Variants in WHRN observed in about 807,000 individuals in gnomAD.
The protein encoded by WHRN is CASK-interacting protein CIP98.
Under a neutral mutation model 68.3 loss-of-function variants are expected in WHRN, and 41 were observed. The ratio of observed to expected loss-of-function variants is 0.60; its 90% confidence interval spans 0.47 to 0.78. WHRN has a LOEUF of 0.78. Ranked by LOEUF, WHRN falls within the 30% of genes least tolerant of loss-of-function variation. The pLI is 0.00. For synonymous variants in WHRN, 560 were observed against 561.3 expected (o/e 1.00, Z 0.03); for missense variants, 1,243 against 1,244.7 (o/e 1.00, Z 0.02).
intron 1 of WHRN, among the ~76,000 whole-genome samples, chr9:114,503,852 G>A (rs895882093): frequency 5.9e-5 from 9 of 152,192 alleles, no homozygotes; most frequent in Non-Finnish European, 1.2e-4. Context: ...ATTATGCCAA[G>A]CAGAGATTTT....
chr9:114,403,191 G>A, intron 11 of WHRN, 26 bp downstream of exon 11: 3 of 1,613,838 alleles, frequency 1.9e-6, no homozygotes, highest in East Asian at 2.2e-5. Context: ...AGGGAGAGAT[G>A]GCAAGTGGGG....
intron 2 of WHRN, among the ~76,000 whole-genome samples, chr9:114,470,197 C>G (rs1589213235): frequency 1.3e-5 from 2 of 152,228 alleles, no homozygotes; most frequent in Non-Finnish European, 2.9e-5. Context: ...ATCTTTGTCT[C>G]AGAGTCTATT....
chr9:114,430,014 T>G (rs1474903294), intron 3 of WHRN, among the ~76,000 whole-genome samples: 1 of 152,358 alleles, frequency 6.6e-6, no homozygotes, highest in East Asian at 1.9e-4. Context: ...CTTTGTTTCC[T>G]TAAGTATGCC....
At chr9:114,479,036 C>T (rs1432900135) in intron 1 of WHRN, among the ~76,000 whole-genome samples, 5 of 152,194 alleles carry the variant, frequency 3.3e-5, no homozygotes, top group African/African-American at 4.8e-5. Context: ...GCAGGCCTGA[C>T]ACTGTTATCC....
intron 1 of WHRN, among the ~76,000 whole-genome samples, chr9:114,486,995 AT>A (rs1564218178): frequency 5.0e-5 from 2 of 40,196 alleles, no homozygotes; most frequent in African/African-American, 1.9e-4. Context: ...ATATATATAT[AT>A]ATATATATAT....
At position 114,423,514 on chromosome 9, in the gene WHRN, GGAGT is replaced by G; in HGVS notation, c.1422_1425del (p.Leu475SerfsTer4). On this transcript the variant is annotated frameshift_variant, in exon 7 of 12. Coordinates refer to ENST00000362057, the MANE Select transcript of WHRN (RefSeq NM_015404.4). LOFTEE classifies it high-confidence loss of function. ...GAAATGGTGCCTCTCACCTCAGAGAGGAGTGAGAACTGGAGGCGGGGACAAAAGG... is the reference window on the plus strand; with the variant it reads ...GAAATGGTGCCTCTCACCTCAGAGAGGAGAACTGGAGGCGGGGACAAAAGG... 1.2e-6 allele frequency: 2 copies of G among 1,608,240 alleles called. No individual in the cohort carries two copies. The highest frequency in any genetic ancestry group is 1.7e-6 in the Non-Finnish European group (2 of 1,175,382).
chr9:114,489,532 AC>A (rs1842814640), intron 1 of WHRN, among the ~76,000 whole-genome samples: 4 of 145,702 alleles, frequency 2.7e-5, no homozygotes, highest in Admixed American at 1.4e-4. Flanking sequence ...ACACACACAC[AC>A]ACACTTTCCA....
At chr9:114,454,717 C>A (rs866580406) in intron 3 of WHRN, among the ~76,000 whole-genome samples, 1 of 151,284 alleles carries the variant, frequency 6.6e-6, no homozygotes, top group Non-Finnish European at 1.5e-5. Context: ...CAAGCTGATT[C>A]TAATTTTTTT....
rs1196564076 is a variant in WHRN, at chr9:114,476,895, C to T, written c.837+1658G>A. On this transcript the variant is annotated intron_variant, in intron 2 of 11. Transcript: ENST00000362057. ...AAGGGCTCTCCATCAATGATAAGCT[C>T]AACTCACCCCATGCCCTGCATAGAA... 6.6e-5 allele frequency among the ~76,000 whole-genome samples: 10 copies of T among 152,292 alleles called. 2 individuals are homozygous for T. In the Middle Eastern group the frequency reaches 0.031, roughly 466 times the overall value.
At chr9:114,405,206 C>G (rs1415730612) in intron 9 of WHRN, among the ~76,000 whole-genome samples, 1 of 151,542 alleles carries the variant, frequency 6.6e-6, no homozygotes, top group Non-Finnish European at 1.5e-5. Flanking sequence ...TTCTGAGTAG[C>G]TGGGACTACA....
intron 3 of WHRN, among the ~76,000 whole-genome samples, chr9:114,443,833 T>G (rs1026500532): frequency 2.0e-5 from 3 of 151,932 alleles, no homozygotes; most frequent in African/African-American, 7.3e-5. Context: ...CTGCATAATT[T>G]ATAAGGAAAG....
intron 1 of WHRN, among the ~76,000 whole-genome samples, chr9:114,492,666 G>A (rs190315690): frequency 9.9e-5 from 15 of 152,240 alleles, no homozygotes; most frequent in African/African-American, 1.2e-4. Context: ...GTCTTTTGGC[G>A]TTTTTCTGAA....
At chr9:114,455,434 T>C (rs1447279280) in intron 3 of WHRN, among the ~76,000 whole-genome samples, 1 of 152,138 alleles carries the variant, frequency 6.6e-6, no homozygotes, top group Non-Finnish European at 1.5e-5. Context: ...ATGAAGATAT[T>C]TTCCAGCCAG....
At chr9:114,489,480 GCA>G (rs1564222652) in intron 1 of WHRN, among the ~76,000 whole-genome samples, 7 of 132,898 alleles carry the variant, frequency 5.3e-5, no homozygotes, top group Admixed American at 2.3e-4. Flanking sequence ...ACACACACAC[GCA>G]CACACACGTA....
intron 7 of WHRN, among the ~76,000 whole-genome samples, chr9:114,421,916 T>C (rs1314935404): frequency 6.6e-6 from 1 of 152,100 alleles, no homozygotes; most frequent in African/African-American, 2.4e-5. Context: ...TTGGAAATGA[T>C]GGCAACTCAG....
intron 1 of WHRN, among the ~76,000 whole-genome samples, chr9:114,485,400 G>T (rs1029294317): frequency 6.6e-6 from 1 of 152,192 alleles, no homozygotes; most frequent in South Asian, 2.1e-4. Flanking sequence ...TATTTAAAAA[G>T]CAATTGCTGG....
intron 2 of WHRN, among the ~76,000 whole-genome samples, chr9:114,476,354 G>A (rs1471822566): frequency 6.6e-6 from 1 of 151,846 alleles, no homozygotes; most frequent in Admixed American, 6.6e-5. Context: ...GCAGACACTG[G>A]CCTCAGTCTT....
rs138058078 is a variant in WHRN, at chr9:114,503,906, T to C, written c.618+278A>G. Among the ~76,000 whole-genome samples, 32 of 152,354 alleles carry C rather than the reference T, an allele frequency of 2.1e-4. No individual in the cohort carries two copies. The South Asian group carries it at 3.5e-3, about 17-fold the overall frequency. On this transcript the variant is annotated intron_variant, in intron 1 of 11. Transcript: ENST00000362057. ...AAGAATCCACAGCCCTATTCACACA[T>C]TGTAACCACACATTTGCTCAAGTAT...
chr9:114,490,520 G>GT lies in WHRN; in HGVS notation c.619-11750dup, dbSNP rs1274490909. On this transcript the variant is annotated intron_variant, in intron 1 of 11. Transcript: ENST00000362057. The stretch of plus-strand genomic sequence containing the variant: ...GGAAAGAAGAACATTTAAAGAAAAA[G>GT]TTTTTTTTAAAAAAGATATAAAAAC... 6.0e-5 allele frequency among the ~76,000 whole-genome samples: 9 copies of GT among 151,052 alleles called. No homozygotes were observed. In the East Asian group the frequency reaches 9.8e-4, roughly 16 times the overall value.
Sources: allele counts gnomAD v4.1 joint callset (sites outside exome capture counted in the v4.1 genomes callset), GRCh38; gene constraint gnomAD v4.1.1; transcripts MANE v1.5; gene names NCBI Gene and HGNC (gene_info 2026-07-23, HGNC 2026-07-21).